GGT7: variants seen among roughly 807,000 people sequenced by gnomAD.
GGT7 encodes gamma-glutamyltransferase 7.
Under a neutral mutation model 69.2 loss-of-function variants are expected in GGT7, and 30 were observed. The observed-to-expected ratio is 0.43, with a 90% CI of 0.32 to 0.59. GGT7 has a LOEUF of 0.59. Ranked by LOEUF, GGT7 falls within the 20% of genes least tolerant of loss-of-function variation. The pLI, the probability that GGT7 is intolerant of heterozygous loss-of-function variation, is 0.05. For missense variants in GGT7, 733 were observed against 901.1 expected (o/e 0.81, Z 2.39); for synonymous variants, 388 against 391.8 (o/e 0.99, Z 0.12).
chr20:34,859,686 G>T, intron 6 of GGT7, 47 bp from the exon 7 acceptor site: 1 of 1,437,414 alleles, frequency 7.0e-7, no homozygotes. Flanking sequence ...GCCAGGACTG[G>T]ACCGGATGAG....
Position 34,872,756 on chromosome 20 carries a change from G to A in GGT7, c.60C>T (p.Asp20=). 1 of 1,471,268 alleles carries A rather than the reference G, an allele frequency of 6.8e-7. No homozygotes were observed. Among genetic ancestry groups the A allele is most frequent in the Non-Finnish European group, 9.0e-7 (1 of 1,111,094 alleles). The allele number at this position is 1,471,268 out of a possible 1,614,324, so 91.1% of individuals were successfully genotyped here. A position where few individuals can be genotyped will look rare whatever the true frequency, so the allele number is the denominator to read the frequency against. The change falls in exon 1 of 15, where the codon GAC becomes GAT. Residue 20 remains aspartate (D), a synonymous_variant. Coordinates refer to ENST00000336431, the MANE Select transcript of GGT7 (RefSeq NM_178026.3). ...GCGGGAAGCTGGTGATGCTCATGTA[G>A]TCCACTGGCGAGTAGGCGCCCAGGG... The part of the protein sequence containing the change: ...ESALGAYSPV[D]YMSITSFPRL...
chr20:34,860,937 C>T (rs892524649), intron 4 of GGT7, among the ~76,000 whole-genome samples: 11 of 152,284 alleles, frequency 7.2e-5, no homozygotes, highest in African/African-American at 2.6e-4. Flanking sequence ...GACAAAGGAC[C>T]TTCATTTAAC....
At chr20:34,869,246 C>T (rs2079742123) in intron 1 of GGT7, among the ~76,000 whole-genome samples, 1 of 152,118 alleles carries the variant, frequency 6.6e-6, no homozygotes, top group Non-Finnish European at 1.5e-5. Flanking sequence ...CAGCTCACTG[C>T]AGCCTCAACC....
At chr20:34,851,143 A>C (rs899308082) in intron 13 of GGT7, 88 bp downstream of exon 13, 95 of 1,531,452 alleles carry the variant, frequency 6.2e-5, no homozygotes, top group Non-Finnish European at 8.3e-5. Flanking sequence ...TGAGGAATGG[A>C]AACAAGCCAC....
At chr20:34,847,679 A>G (rs1235540318) in intron 14 of GGT7, among the ~76,000 whole-genome samples, 3 of 152,196 alleles carry the variant, frequency 2.0e-5, no homozygotes, top group Admixed American at 6.5e-5. Context: ...ACAATATTTA[A>G]CTAAAAACTA....
At chr20:34,856,163 G>A (rs1391139004) in intron 8 of GGT7, among the ~76,000 whole-genome samples, 3 of 152,164 alleles carry the variant, frequency 2.0e-5, no homozygotes, top group African/African-American at 7.2e-5. Flanking sequence ...TTGAGGCCTG[G>A]AAAGTTGAAC....
At chr20:34,861,676 G>C (rs1162521890) in intron 3 of GGT7, 114 bp from the exon 4 acceptor site, 1 of 603,802 alleles carries the variant, frequency 1.7e-6, no homozygotes, top group Admixed American at 3.3e-5. Context: ...TTTTCATTTG[G>C]GGTCAGGTGT....
rs1787406303 is a variant in GGT7, at chr20:34,863,970, CTTCAG to C, written c.170-427_170-423del. ...GGAGGGACCCTGCCTTCCAACCTCA[CTTCAG>C]TTATCAGCTCACTCATTCCTTAAAT... On this transcript the variant is annotated intron_variant, in intron 1 of 14. Transcript: ENST00000336431. This position sits in a 1 kb window ranked among gnomAD's most constrained non-coding sequence, Gnocchi z 4.4. Among the ~76,000 whole-genome samples, 1 of 152,200 alleles carries C rather than the reference CTTCAG, an allele frequency of 6.6e-6. No individual in the cohort carries two copies. Among genetic ancestry groups the C allele is most frequent in the African/African-American group, 2.4e-5 (1 of 41,436 alleles).
At chr20:34,859,138 C>A (rs1446661014) in intron 7 of GGT7, among the ~76,000 whole-genome samples, 2 of 151,142 alleles carry the variant, frequency 1.3e-5, no homozygotes, top group Non-Finnish European at 1.5e-5. Context: ...CCACTGCACT[C>A]CAGCCAGGGT....
Position 34,863,017 on chromosome 20 carries a change from T to C in GGT7, c.406-52A>G. 1 of 1,548,712 alleles carries C rather than the reference T, an allele frequency of 6.5e-7. No homozygotes were observed. The highest frequency in any genetic ancestry group is 8.8e-7 in the Non-Finnish European group (1 of 1,137,744). On this transcript the variant is annotated intron_variant, in intron 2 of 14. Coordinates refer to ENST00000336431, the MANE Select transcript of GGT7 (RefSeq NM_178026.3). This position sits in a 1 kb window ranked among gnomAD's most constrained non-coding sequence, Gnocchi z 4.4. ...GGGCAGGAGGAGCTGTCCACCTCCC[T>C]AGGGCACCTCCACTAGCCCTAGAAC... is the stretch of plus-strand genomic sequence containing the variant.
chr20:34,872,703 G>A lies in GGT7; in HGVS notation c.113C>T (p.Ala38Val). 1 of 1,478,814 alleles carries A rather than the reference G, an allele frequency of 6.8e-7. No individual in the cohort carries two copies. The highest frequency in any genetic ancestry group is 8.9e-7 in the Non-Finnish European group (1 of 1,118,948). 91.6% of individuals were successfully genotyped at this position (1,478,814 alleles called of 1,614,324 possible). Residue 38 changes from alanine to valine, a missense_variant, in exon 1 of 15, where the codon GCG becomes GTG. Physicochemically the swap from Ala to Val is moderately conservative, Grantham distance 64. Transcript: ENST00000336431. ...PRLPEDEPAPAAPLRGRKDED... is the reference protein window; with the variant it reads ...PRLPEDEPAPVAPLRGRKDED... Reference sequence around the variant, plus strand: ...GTCCTTGCGGCCCCTCAGCGGGGCCGCGGGCGCCGGCTCGTCCTCGGGCAG... The same window carrying A: ...GTCCTTGCGGCCCCTCAGCGGGGCCACGGGCGCCGGCTCGTCCTCGGGCAG...
rs533561120 is a variant in GGT7, at chr20:34,860,637, CTT to C, written c.676-318_676-317del. Among the ~76,000 whole-genome samples, 405 of 113,826 alleles carry C rather than the reference CTT, an allele frequency of 3.6e-3. 2 individuals are homozygous for C. Among genetic ancestry groups the C allele is most frequent in the African/African-American group, 0.012 (379 of 30,916 alleles). The allele number at this position is 113,826 out of a possible 152,430, so 74.7% of individuals were successfully genotyped here. A position where few individuals can be genotyped will look rare whatever the true frequency, so the allele number is the denominator to read the frequency against. On this transcript the variant is annotated intron_variant, in intron 4 of 14. Coordinates refer to ENST00000336431, the MANE Select transcript of GGT7 (RefSeq NM_178026.3). ...TACATTGGATTTCACCAACCCCTGC[CTT>C]TTTTTTTTTTTTTTTTTTTTTTTCC...
At chr20:34,856,655 C>G (rs1160372422) in intron 8 of GGT7, 151 bp downstream of exon 8, 2 of 626,190 alleles carry the variant, frequency 3.2e-6, no homozygotes, top group Non-Finnish European at 5.8e-6. Context: ...TGGGCTGACT[C>G]TGGTTTGCTT....
chr20:34,847,421 C>T (rs1261245624), intron 14 of GGT7, among the ~76,000 whole-genome samples: 1 of 152,236 alleles, frequency 6.6e-6, no homozygotes, highest in Non-Finnish European at 1.5e-5. Flanking sequence ...AGCCCTGTAA[C>T]TCCACATCCT....
chr20:34,852,313 T>C (rs766488910), intron 11 of GGT7, 41 bp from the exon 12 acceptor site: 37 of 1,604,304 alleles, frequency 2.3e-5, no homozygotes, highest in Non-Finnish European at 8.5e-7. Flanking sequence ...TGGCCCATCC[T>C]CACCTCTACC....
Position 34,872,741 on chromosome 20 carries a change from G to A in GGT7, c.75C>T (p.Thr25=). 1 of 1,502,614 alleles carries A rather than the reference G, an allele frequency of 6.7e-7. No individual in the cohort carries two copies. The highest frequency in any genetic ancestry group is 1.3e-5 in the South Asian group (1 of 79,176). The allele number at this position is 1,502,614 out of a possible 1,614,324, so 93.1% of individuals were successfully genotyped here. The change falls in exon 1 of 15, where the codon ACC becomes ACT. Residue 25 remains threonine (T), a synonymous_variant. Transcript: ENST00000336431. Reference sequence around the variant, plus strand: ...CGTCCTCGGGCAGCCGCGGGAAGCTGGTGATGCTCATGTAGTCCACTGGCG... The same window carrying A: ...CGTCCTCGGGCAGCCGCGGGAAGCTAGTGATGCTCATGTAGTCCACTGGCG... ...AYSPVDYMSI[T]SFPRLPEDEP...
At chr20:34,845,587 AC>A in intron 14 of GGT7, 96 bp from the exon 15 acceptor site, 1 of 1,027,212 alleles carries the variant, frequency 9.7e-7, no homozygotes, top group Non-Finnish European at 1.5e-6. Context: ...TGGCTGCTCC[AC>A]CACAGAGCTG....
At chr20:34,845,781 C>T (rs539754961) in intron 14 of GGT7, among the ~76,000 whole-genome samples, 12 of 152,170 alleles carry the variant, frequency 7.9e-5, no homozygotes, top group South Asian at 2.1e-4. Flanking sequence ...CAGGACAGGC[C>T]GGGTGCAGTG....
chr20:34,849,818 G>A (rs2076668), intron 14 of GGT7, 143 bp downstream of exon 14: 204,001 of 573,394 alleles, frequency 0.36, 38,077 homozygotes, highest in Middle Eastern at 0.42. Context: ...TCCCCAGATC[G>A]TTCACTGCTC....
Sources: gnomAD v4.1 joint callset for allele counts (sites outside exome capture counted in the v4.1 genomes callset) on GRCh38, gnomAD v4.1.1 for gene constraint, Gnocchi (gnomAD v3.1) non-coding constraint, MANE v1.5 for transcripts, NCBI Gene and HGNC (gene_info 2026-07-23, HGNC 2026-07-21) for gene names.